Variants in MPDZ observed in about 807,000 individuals in gnomAD.
MPDZ encodes the protein multiple PDZ domain protein.
In MPDZ, 234 loss-of-function variants were observed where a neutral mutation model predicts 239.1. That is an observed-to-expected ratio of 0.98 (90% confidence interval 0.88 to 1.09). The LOEUF (loss-of-function observed/expected upper bound fraction) is 1.09, where lower values mean the gene tolerates loss of function less well. Among genes scored for constraint, MPDZ ranks in the 50% least tolerant of loss-of-function variants. MPDZ has a pLI of 0.00. For missense variants in MPDZ, 3,175 were observed against 2,510.0 expected, an observed-to-expected ratio of 1.26 and a Z score of -5.66; for synonymous variants, 1,048 against 881.3, an observed-to-expected ratio of 1.19 and a Z score of -3.35.
intron 3 of MPDZ, among the ~76,000 whole-genome samples, chr9:13,227,898 A>G (rs1397211876): frequency 6.6e-6 from 1 of 152,114 alleles, no homozygotes; most frequent in Non-Finnish European, 1.5e-5. Context: ...TTATTTATAA[A>G]TTGGCAAATT....
At chr9:13,180,947 T>C (rs944947549) in intron 19 of MPDZ, among the ~76,000 whole-genome samples, 7 of 152,190 alleles carry the variant, frequency 4.6e-5, no homozygotes, top group African/African-American at 1.7e-4. Context: ...TACAGCCCTT[T>C]GGTGTTTAGG....
Position 13,206,008 on chromosome 9 carries a change from C to T in MPDZ, c.1382G>A (p.Arg461Lys), listed in dbSNP as rs376247052. 1 of 1,612,704 alleles carries T rather than the reference C, an allele frequency of 6.2e-7. No homozygotes were observed. The highest frequency in any genetic ancestry group is 1.3e-5 in the African/African-American group (1 of 74,828). ...TGQTVLLTLM[R>K]RGMKQEAELM... Reference sequence around the variant, plus strand: ...CTCGGCTTCCTGCTTCATTCCTCTCCTCATTAGTGTCAGGAGCACAGTTTG... The same window carrying T: ...CTCGGCTTCCTGCTTCATTCCTCTCTTCATTAGTGTCAGGAGCACAGTTTG... Residue 461 changes from arginine (R) to lysine (K), a missense_variant, in exon 11 of 47, where the codon AGG becomes AAG. By Grantham distance (26) the Arg-to-Lys change is conservative (BLOSUM62 2). Coordinates refer to ENST00000319217, the MANE Select transcript of MPDZ (RefSeq NM_001378778.1).
In MPDZ at chr9:13,150,616, C is replaced by A; in HGVS notation, c.3525G>T (p.Arg1175=). 2 of 1,539,234 alleles carry A rather than the reference C, an allele frequency of 1.3e-6. No individual in the cohort carries two copies. Among genetic ancestry groups the A allele is most frequent in the Non-Finnish European group, 1.8e-6 (2 of 1,140,664 alleles). The part of the protein sequence containing the change: ...SIVGGRGMGS[R]LSNGEVMRGI... ...CCCTCATCACTTCTCCATTGCTTAG[C>A]CGACTCCCCATCCCTCGTCCACCAA... The change falls in exon 25 of 47, where the codon CGG becomes CGT. Residue 1175 remains arginine, a synonymous_variant. Coordinates refer to ENST00000319217, the MANE Select transcript of MPDZ (RefSeq NM_001378778.1).
intron 35 of MPDZ, among the ~76,000 whole-genome samples, chr9:13,124,637 G>A (rs754122713): frequency 3.9e-5 from 6 of 152,064 alleles, no homozygotes; most frequent in Admixed American, 3.3e-4. Context: ...TATGGTTCAC[G>A]TAACCTAAAT....
Position 13,109,933 on chromosome 9 carries a change from T to C in MPDZ, c.5942+19A>G, listed in dbSNP as rs1942150008. ...TCATAAGTGAAAAATGATACACTAATCATCATGTATGAACTCACCCTAAAT... is the reference window on the plus strand; with the variant it reads ...TCATAAGTGAAAAATGATACACTAACCATCATGTATGAACTCACCCTAAAT... On this transcript the variant is annotated intron_variant, in intron 45 of 46. Transcript: ENST00000319217. The C allele has an allele frequency of 1.3e-6, 2 of 1,576,690 alleles. No individual in the cohort carries two copies. Among genetic ancestry groups the C allele is most frequent in the Non-Finnish European group, 1.7e-6 (2 of 1,150,064 alleles).
At chr9:13,143,361 T>C in intron 27 of MPDZ, 105 bp downstream of exon 27, 1 of 858,718 alleles carries the variant, frequency 1.2e-6, no homozygotes, top group South Asian at 1.8e-5. Context: ...TTTTTTTCCC[T>C]GCCCAAATGT....
At chr9:13,118,837 G>C (rs1943900547) in intron 39 of MPDZ, among the ~76,000 whole-genome samples, 1 of 152,126 alleles carries the variant, frequency 6.6e-6, no homozygotes, top group Non-Finnish European at 1.5e-5. Flanking sequence ...AGTTTGCTTT[G>C]GAGGAAACCA....
Position 13,126,609 on chromosome 9 carries a change from G to A in MPDZ, c.4558-19C>T, listed in dbSNP as rs139625486. The A allele has an allele frequency of 8.1e-6, 13 of 1,610,314 alleles. No individual in the cohort carries two copies. Among genetic ancestry groups the A allele is most frequent in the Admixed American group, 1.7e-5 (1 of 59,552 alleles). ...GTCCATCCTAAATGGAAACGTAGAA[G>A]AATTTGAGTGATATTCCAAAAGTAA... On this transcript the variant is annotated intron_variant, in intron 33 of 46. Coordinates refer to ENST00000319217, the MANE Select transcript of MPDZ (RefSeq NM_001378778.1).
intron 24 of MPDZ, among the ~76,000 whole-genome samples, chr9:13,152,097 G>A (rs543072486): frequency 6.6e-6 from 1 of 152,148 alleles, no homozygotes; most frequent in African/African-American, 2.4e-5. Context: ...TAAACAGATA[G>A]CAGCTTCTAA....
chr9:13,167,311 A>G (rs913217762), intron 22 of MPDZ, among the ~76,000 whole-genome samples: 1 of 152,172 alleles, frequency 6.6e-6, no homozygotes, highest in African/African-American at 2.4e-5. Context: ...GTTCAACTGT[A>G]AACAAAAGTC....
chr9:13,188,957 G>A lies in MPDZ; in HGVS notation c.2191C>T (p.Arg731Cys), dbSNP rs367846340. The change falls in exon 17 of 47, where the codon CGT (arginine) becomes TGT (cysteine). Residue 731 changes from arginine to cysteine, a missense_variant. By Grantham distance (180) the Arg-to-Cys change is radical. Transcript: ENST00000319217. ...GCAATGCCGCCAGGCACCAAAGAAC[G>A]AATTATAATCACAGTGCTTGCTGGA... ...IDPASTVIII[R>C]SLVPGGIAEK... The A allele has an allele frequency of 1.3e-5, 21 of 1,613,138 alleles. No individual in the cohort carries two copies. The highest frequency in any genetic ancestry group is 2.7e-5 in the African/African-American group (2 of 74,866).
intron 1 of MPDZ, among the ~76,000 whole-genome samples, chr9:13,254,644 T>A (rs566182657): frequency 6.6e-6 from 1 of 152,268 alleles, no homozygotes; most frequent in Admixed American, 6.5e-5. Flanking sequence ...ATAAAGTGAA[T>A]CTCTCAACAA....
At position 13,176,310 on chromosome 9, in the gene MPDZ, C is replaced by G. The variant is rs1276911457; in HGVS notation, c.2757G>C (p.Val919=). ...LQRQDENTPS[V]DISMGPASGF... The stretch of plus-strand genomic sequence containing the variant: ...CAGAAGCAGGCCCCATACTTATGTC[C>G]ACCGAAGGTGTATTCTCATCCTGTC... Residue 919 remains valine (V), a synonymous_variant, in exon 20 of 47, where the codon GTG becomes GTC. Transcript: ENST00000319217. 6.2e-7 allele frequency: 1 copy of G among 1,609,862 alleles called. No homozygotes were observed. Among genetic ancestry groups the G allele is most frequent in the African/African-American group, 1.3e-5 (1 of 74,848 alleles).
intron 3 of MPDZ, among the ~76,000 whole-genome samples, chr9:13,243,911 G>C (rs1449087010): frequency 6.6e-6 from 1 of 152,164 alleles, no homozygotes; most frequent in Admixed American, 6.5e-5. Flanking sequence ...CACTGACGAG[G>C]AGAGACCTCC....
intron 35 of MPDZ, among the ~76,000 whole-genome samples, 196 bp downstream of exon 35, chr9:13,125,020 A>T (rs1260863751): frequency 6.6e-6 from 1 of 152,098 alleles, no homozygotes; most frequent in Non-Finnish European, 1.5e-5. Flanking sequence ...TGTACAGCAC[A>T]TAGATTGCCT....
At chr9:13,271,800 A>G in intron 1 of MPDZ, among the ~76,000 whole-genome samples, 1 of 152,216 alleles carries the variant, frequency 6.6e-6, no homozygotes, top group East Asian at 1.9e-4. Flanking sequence ...TGCAATGACT[A>G]CTACTCAGCA....
chr9:13,196,352 A>G (rs566422737), intron 12 of MPDZ, 122 bp from the exon 13 acceptor site: 2 of 564,716 alleles, frequency 3.5e-6, no homozygotes, highest in Admixed American at 3.1e-5. Context: ...CGCCCAATAT[A>G]TGGGCTATTC....
rs10756453 is a variant in MPDZ at position 13,105,960 on chromosome 9, T to A, written c.*1005A>T. On this transcript the variant is annotated 3_prime_UTR_variant, in exon 47 of 47. Transcript: ENST00000319217. ...TTGTATTATAAGATGTTAATATAAG[T>A]CAATGAAATGAAGTTATGTTAATCC... 3.3e-5 allele frequency: 5 copies of A among 152,232 alleles called. No homozygotes were observed. Among genetic ancestry groups the A allele is most frequent in the Admixed American group, 6.5e-5 (1 of 15,280 alleles). 9.4% of individuals were successfully genotyped at this position (152,232 alleles called of 1,614,324 possible).
chr9:13,161,008 AT>A (rs1467745425), intron 23 of MPDZ, among the ~76,000 whole-genome samples: 1 of 151,102 alleles, frequency 6.6e-6, no homozygotes, highest in African/African-American at 2.4e-5. Context: ...GCATCTGTGG[AT>A]TTTGGTATCC....
Sources: allele counts gnomAD v4.1 joint callset (sites outside exome capture counted in the v4.1 genomes callset), GRCh38; gene constraint gnomAD v4.1.1; transcripts MANE v1.5; gene names NCBI Gene and HGNC (gene_info 2026-07-23, HGNC 2026-07-21).